The following IGSF3 variants were observed in gnomAD, a reference collection of about 807,000 sequenced individuals.
The protein encoded by IGSF3 is glu-Trp-Ile EWI motif-containing protein 3.
Under a neutral mutation model 114.4 loss-of-function variants are expected in IGSF3, and 23 were observed. That is an observed-to-expected ratio of 0.20 (90% CI 0.14 to 0.28). IGSF3 has a LOEUF of 0.28. IGSF3 is among the 10% of genes least tolerant of loss of function. The pLI is 1.00. For synonymous variants in IGSF3, 571 were observed against 645.2 expected (o/e 0.88, Z 1.74); for missense variants, 1,172 against 1,591.5 (o/e 0.74, Z 4.48).
At position 116,662,729 on chromosome 1, in the gene IGSF3, AC is replaced by A. The variant is rs1253312516; in HGVS notation, c.43+3554del. ...AGGGAAGTGCACTACCTCTGGGACA[AC>A]TATTAGGACAGTGGTGTTTGTTCAT... On this transcript the variant is annotated intron_variant, in intron 2 of 10. Coordinates refer to ENST00000369486, the MANE Select transcript of IGSF3 (RefSeq NM_001007237.3). The surrounding 1 kb of genome is among the most constrained non-coding windows in gnomAD (Gnocchi z 4.3). Among the ~76,000 whole-genome samples the A allele has an allele frequency of 6.6e-6, 1 of 152,210 alleles. No homozygotes were observed. The highest frequency in any genetic ancestry group is 2.4e-5 in the African/African-American group (1 of 41,442).
intron 2 of IGSF3, among the ~76,000 whole-genome samples, chr1:116,635,070 T>C (rs554484602): frequency 3.9e-5 from 6 of 152,202 alleles, no homozygotes; most frequent in Non-Finnish European, 7.3e-5. Context: ...ACAGACTTCA[T>C]GAAAGAGAAT....
chr1:116,618,507 G>A lies in IGSF3; in HGVS notation c.44-2050C>T, dbSNP rs1294208519. On this transcript the variant is annotated intron_variant, in intron 2 of 10. Coordinates refer to ENST00000369486, the MANE Select transcript of IGSF3 (RefSeq NM_001007237.3). This position sits in a 1 kb window ranked among gnomAD's most constrained non-coding sequence, Gnocchi z 4.7. ...AATATATGGCACTTAATGTTGGCAT[G>A]GCAGATCAAGTAGGGGAAATGACTG... Among the ~76,000 whole-genome samples, 1 of 152,176 alleles carries A rather than the reference G, an allele frequency of 6.6e-6. No homozygotes were observed.
chr1:116,596,470 G>GA lies in IGSF3; in HGVS notation c.2029+3470dup, dbSNP rs1003854285. Among the ~76,000 whole-genome samples, 51 of 152,312 alleles carry GA rather than the reference G, an allele frequency of 3.3e-4. No individual in the cohort carries two copies. The highest frequency in any genetic ancestry group is 1.2e-3 in the African/African-American group (50 of 41,560). ...AGCCACCTTGTGGCAGAAGCTGGAA[G>GA]AATCAGGAGTTAAAAGAGGCACAAG... On this transcript the variant is annotated intron_variant, in intron 7 of 10. Transcript: ENST00000369486. This position sits in a 1 kb window ranked among gnomAD's most constrained non-coding sequence, Gnocchi z 4.1.
intron 8 of IGSF3, among the ~76,000 whole-genome samples, chr1:116,587,366 A>G (rs1196208197): frequency 6.6e-6 from 1 of 152,202 alleles, no homozygotes; most frequent in African/African-American, 2.4e-5. Context: ...GGCCGGGGAA[A>G]GGAAATCTAG....
At chr1:116,660,759 T>A (rs1219506525) in intron 2 of IGSF3, among the ~76,000 whole-genome samples, 2 of 152,144 alleles carry the variant, frequency 1.3e-5, no homozygotes, top group East Asian at 3.9e-4. Context: ...CATTTTAAAA[T>A]GTTATGCTCA....
chr1:116,618,194 C>T lies in IGSF3; in HGVS notation c.44-1737G>A, dbSNP rs1661288392. ...TCACAAACAAAATCTTACACAGAAC[C>T]CCATCTTGGCTTCAGCAGAATCAGG... is the stretch of plus-strand genomic sequence containing the variant. On this transcript the variant is annotated intron_variant, in intron 2 of 10. Transcript: ENST00000369486. This position sits in a 1 kb window ranked among gnomAD's most constrained non-coding sequence, Gnocchi z 4.7. Among the ~76,000 whole-genome samples, 1 of 152,178 alleles carries T rather than the reference C, an allele frequency of 6.6e-6. No individual in the cohort carries two copies. Among genetic ancestry groups the T allele is most frequent in the South Asian group, 2.1e-4 (1 of 4,830 alleles).
intron 2 of IGSF3, among the ~76,000 whole-genome samples, chr1:116,621,160 G>A (rs1040599956): frequency 2.0e-5 from 3 of 151,978 alleles, no homozygotes; most frequent in African/African-American, 7.2e-5. Flanking sequence ...CTTTGGCCAC[G>A]TAAGGCGCGC....
At chr1:116,626,546 T>A (rs1177075291) in intron 2 of IGSF3, among the ~76,000 whole-genome samples, 1 of 152,184 alleles carries the variant, frequency 6.6e-6, no homozygotes, top group Non-Finnish European at 1.5e-5. Context: ...CTGCTTATCC[T>A]TTCCCCACCT....
rs1398582203 is a variant in IGSF3, at chr1:116,582,723, A to G, written c.2848+1922T>C. On this transcript the variant is annotated intron_variant, in intron 9 of 10. Transcript: ENST00000369486. This position sits in a 1 kb window ranked among gnomAD's most constrained non-coding sequence, Gnocchi z 4.7. ...AAAGTTGAGTGGGAAAAAAGATCAC[A>G]TAAAACAGTAAGATCCTGAGTTTGT... Among the ~76,000 whole-genome samples, 3 of 152,252 alleles carry G rather than the reference A, an allele frequency of 2.0e-5. No homozygotes were observed. Among genetic ancestry groups the G allele is most frequent in the African/African-American group, 7.2e-5 (3 of 41,466 alleles).
chr1:116,584,614 G>A lies in IGSF3; in HGVS notation c.2848+31C>T. 6.2e-7 allele frequency: 1 copy of A among 1,609,098 alleles called. No homozygotes were observed. The highest frequency in any genetic ancestry group is 8.5e-7 in the Non-Finnish European group (1 of 1,175,584). ...TATACTTAAATGGGAAACACCAGAGGGAGTGGAAGCTTGGGGACGTGGACC... is the reference window on the plus strand; with the variant it reads ...TATACTTAAATGGGAAACACCAGAGAGAGTGGAAGCTTGGGGACGTGGACC... On this transcript the variant is annotated intron_variant, in intron 9 of 10. Transcript: ENST00000369486. The surrounding 1 kb of genome is among the most constrained non-coding windows in gnomAD (Gnocchi z 5.8).
rs797726 is a variant in IGSF3 at position 116,654,613 on chromosome 1, T to C, written c.43+11671A>G. ...AAAGTATGAGGTGGGGAAGATGGAT[T>C]GGCCTTATACTCACCACCCCCCATA... On this transcript the variant is annotated intron_variant, in intron 2 of 10. Coordinates refer to ENST00000369486, the MANE Select transcript of IGSF3 (RefSeq NM_001007237.3). This position sits in a 1 kb window ranked among gnomAD's most constrained non-coding sequence, Gnocchi z 4.4. Among the ~76,000 whole-genome samples the C allele has an allele frequency of 0.83, 125,754 of 152,146 alleles. 52,620 individuals are homozygous for C. The highest frequency in any genetic ancestry group is 0.93 in the African/African-American group (38,655 of 41,538).
rs1661196230 is a variant in IGSF3, at chr1:116,615,872, A to G, written c.421+208T>C. Among the ~76,000 whole-genome samples the G allele has an allele frequency of 6.6e-6, 1 of 152,250 alleles. No individual in the cohort carries two copies. Among genetic ancestry groups the G allele is most frequent in the South Asian group, 2.1e-4 (1 of 4,836 alleles). ...TTATGAAATTCTTAACATCTGCATT[A>G]GACCTTTTTAAAGTTTCACCCTCAA... is the stretch of plus-strand genomic sequence containing the variant. On this transcript the variant is annotated intron_variant, in intron 3 of 10. Transcript: ENST00000369486. This position sits in a 1 kb window ranked among gnomAD's most constrained non-coding sequence, Gnocchi z 4.3.
chr1:116,652,910 C>G (rs151112018), intron 2 of IGSF3, among the ~76,000 whole-genome samples: 1 of 152,166 alleles, frequency 6.6e-6, no homozygotes, highest in African/African-American at 2.4e-5. Context: ...TGTACCCGTA[C>G]GGAGATTTAG....
intron 7 of IGSF3, among the ~76,000 whole-genome samples, chr1:116,597,173 G>A (rs1254428692): frequency 1.3e-5 from 2 of 152,194 alleles, no homozygotes; most frequent in Non-Finnish European, 2.9e-5. Flanking sequence ...GAATCTCTCA[G>A]AGCCTCTGTT....
intron 7 of IGSF3, among the ~76,000 whole-genome samples, chr1:116,590,711 T>G (rs1411755436): frequency 6.6e-6 from 1 of 152,056 alleles, no homozygotes; most frequent in African/African-American, 2.4e-5. Context: ...GTCATGACCC[T>G]GGCCTGCCAG....
At chr1:116,587,433 G>A (rs1353709398) in intron 8 of IGSF3, among the ~76,000 whole-genome samples, 1 of 152,176 alleles carries the variant, frequency 6.6e-6, no homozygotes, top group Non-Finnish European at 1.5e-5. Context: ...CTTCACGGAA[G>A]AGCAAGACAA....
At position 116,588,806 on chromosome 1, in the gene IGSF3, G is replaced by A; in HGVS notation, c.2328C>T (p.Asp776=). The change falls in exon 8 of 11, where the codon GAC becomes GAT. Residue 776 remains aspartate, a synonymous_variant. Transcript: ENST00000369486. The surrounding 1 kb of genome is among the most constrained non-coding windows in gnomAD (Gnocchi z 4.9). ...CCACGTGGCAGTAGTAGCTGCCGCT[G>A]TCGCTGACCTCGGCTCTCTGGACGG... ...SLTVQRAEVS[D]SGSYYCHVEE... 1 of 1,614,144 alleles carries A rather than the reference G, an allele frequency of 6.2e-7. No homozygotes were observed.
At chr1:116,658,442 C>G (rs904518335) in intron 2 of IGSF3, among the ~76,000 whole-genome samples, 19 of 152,192 alleles carry the variant, frequency 1.2e-4, no homozygotes, top group Admixed American at 7.8e-4. Context: ...ATGTCTGGTG[C>G]CATTCCTGGC....
At chr1:116,611,381 T>G (rs1378971727) in intron 4 of IGSF3, among the ~76,000 whole-genome samples, 3 of 152,220 alleles carry the variant, frequency 2.0e-5, no homozygotes, top group Non-Finnish European at 4.4e-5. Context: ...CCTGCACTCC[T>G]GGGTGCACAT....
Sources: gnomAD v4.1 joint callset for allele counts (sites outside exome capture counted in the v4.1 genomes callset) on GRCh38, gnomAD v4.1.1 for gene constraint, Gnocchi (gnomAD v3.1) non-coding constraint, MANE v1.5 for transcripts, NCBI Gene and HGNC (gene_info 2026-07-23, HGNC 2026-07-21) for gene names.